AMZ2: variants seen among roughly 807,000 people sequenced by gnomAD.
AMZ2 encodes archaemetzincin-2.
In AMZ2, 26 loss-of-function variants were observed where a neutral mutation model predicts 36.7. That is an observed-to-expected ratio of 0.71 (90% CI 0.52 to 0.98). The LOEUF (loss-of-function observed/expected upper bound fraction) is 0.98, where lower values mean the gene tolerates loss of function less well. Among genes scored for constraint, AMZ2 ranks in the 50% least tolerant of loss-of-function variants. The pLI is 0.00. For missense variants in AMZ2, 394 were observed against 430.5 expected (o/e 0.92, Z 0.75); for synonymous variants, 144 against 149.1 (o/e 0.97, Z 0.25).
upstream of AMZ2, among the ~76,000 whole-genome samples, chr17:68,245,316 C>T (rs1406129548): frequency 6.6e-6 from 1 of 151,970 alleles, no homozygotes; most frequent in Non-Finnish European, 1.5e-5. Context: ...CAGCTGACTG[C>T]AGCCTCGATC....
chr17:68,232,059 A>G (rs1555731374), intron 1 of AMZ2, among the ~76,000 whole-genome samples: 2 of 149,962 alleles, frequency 1.3e-5, no homozygotes, highest in Admixed American at 1.4e-4. Flanking sequence ...AAAGAAATGT[A>G]AGGTTACCTT....
At chr17:68,227,105 A>G (rs1163496964) in intron 1 of AMZ2, among the ~76,000 whole-genome samples, 1 of 151,786 alleles carries the variant, frequency 6.6e-6, no homozygotes, top group Non-Finnish European at 1.5e-5. Context: ...TAACATTTTT[A>G]GGAATCTATG....
At chr17:68,208,909 C>T (rs1213877109) in intron 1 of AMZ2, among the ~76,000 whole-genome samples, 2 of 151,306 alleles carry the variant, frequency 1.3e-5, no homozygotes, top group South Asian at 2.1e-4. Context: ...CAAACACATC[C>T]GAGCACCAGA....
intron 4 of AMZ2, among the ~76,000 whole-genome samples, chr17:68,253,127 A>G (rs1395575911): frequency 1.3e-5 from 2 of 152,216 alleles, no homozygotes; most frequent in Non-Finnish European, 2.9e-5. Context: ...GGAAGAAGGA[A>G]ATGTCCTTGC....
intron 1 of AMZ2, among the ~76,000 whole-genome samples, chr17:68,217,032 CAAAAA>C (rs11284875): frequency 1.0e-5 from 1 of 95,636 alleles, no homozygotes; most frequent in Admixed American, 1.2e-4. Flanking sequence ...GACTCCGTCT[CAAAAA>C]AAAAAAAAAA....
chr17:68,210,365 A>G (rs545066821), intron 1 of AMZ2, among the ~76,000 whole-genome samples: 23 of 152,354 alleles, frequency 1.5e-4, no homozygotes, highest in Non-Finnish European at 2.9e-4. Flanking sequence ...CCTTGGAAGG[A>G]AATTCCGACA....
chr17:68,218,411 A>T (rs2073258870), intron 1 of AMZ2, among the ~76,000 whole-genome samples: 1 of 151,988 alleles, frequency 6.6e-6, no homozygotes, highest in Non-Finnish European at 1.5e-5. Context: ...CTGGTCTCGA[A>T]CTCCTGGGCT....
intron 1 of AMZ2, among the ~76,000 whole-genome samples, chr17:68,217,668 T>A (rs1344788418): frequency 2.6e-5 from 4 of 152,184 alleles, no homozygotes; most frequent in Non-Finnish European, 5.9e-5. Flanking sequence ...CATGTAAAAT[T>A]TTCACACAGT....
In AMZ2 at chr17:68,225,285, C is replaced by T. The variant is rs539489042; in HGVS notation, c.-67+19047C>T. Among the ~76,000 whole-genome samples the T allele has an allele frequency of 1.6e-4, 25 of 152,174 alleles. No individual in the cohort carries two copies. In the South Asian group the frequency reaches 5.0e-3, roughly 30 times the overall value. On this transcript the variant is annotated intron_variant, in intron 1 of 7. Coordinates refer to the AMZ2 transcript ENST00000674770. ...TGCAGTGATAGAGGAGCTAAAAGTC[C>T]CCTGAGAGAGCAGTCGTGTTGATGG...
chr17:68,221,595 C>T (rs181351651), intron 1 of AMZ2, among the ~76,000 whole-genome samples: 151 of 152,116 alleles, frequency 9.9e-4, no homozygotes, highest in Admixed American at 4.4e-3. Flanking sequence ...GGTGTGGTGG[C>T]GGGTGCCTGT....
intron 1 of AMZ2, among the ~76,000 whole-genome samples, chr17:68,226,149 G>C (rs2073510709): frequency 6.6e-6 from 1 of 152,054 alleles, no homozygotes; most frequent in South Asian, 2.1e-4. Context: ...TAGAGTGACA[G>C]GCAGCAAAAT....
chr17:68,209,632 A>ATATGTATATATATATAT, intron 1 of AMZ2, among the ~76,000 whole-genome samples: 1 of 90,700 alleles, frequency 1.1e-5, no homozygotes. Context: ...ATATATATAT[A>ATATGTATATATATATAT]TTTTTTTTTT....
At chr17:68,227,411 A>G (rs1398927208) in intron 1 of AMZ2, among the ~76,000 whole-genome samples, 1 of 152,230 alleles carries the variant, frequency 6.6e-6, no homozygotes, top group Admixed American at 6.5e-5. Flanking sequence ...ATGCACTTCC[A>G]GTGACTGCTG....
chr17:68,250,250 G>C lies in AMZ2; in HGVS notation c.63G>C (p.Val21=), dbSNP rs1555738468. 1.2e-6 allele frequency: 2 copies of C among 1,614,166 alleles called. No individual in the cohort carries two copies. The highest frequency in any genetic ancestry group is 3.3e-5 in the Admixed American group (2 of 60,020). ...LKTALISKNP[V]LVSQYEKLNA... is the part of the protein sequence containing the mutation. ...CAGCTCTCATCTCAAAGAACCCAGT[G>C]CTTGTATCACAGTATGAGAAATTAA... The change falls in exon 2 of 7, where the codon GTG becomes GTC. Residue 21 remains valine (V), a synonymous_variant. Transcript: ENST00000359904.
intron 1 of AMZ2, among the ~76,000 whole-genome samples, chr17:68,241,908 C>CT (rs781855396): frequency 0.094 from 10,917 of 116,150 alleles, 738 homozygotes; most frequent in African/African-American, 0.19. Context: ...TTTTCTTTTT[C>CT]TTTTTTTTTT....
At chr17:68,236,422 C>T (rs2073788572) in intron 1 of AMZ2, among the ~76,000 whole-genome samples, 1 of 151,506 alleles carries the variant, frequency 6.6e-6, no homozygotes, top group Non-Finnish European at 1.5e-5. Context: ...TATAGATTTA[C>T]ATAATTTTTT....
chr17:68,245,431 G>T (rs1243201394), upstream of AMZ2, among the ~76,000 whole-genome samples: 6 of 148,722 alleles, frequency 4.0e-5, no homozygotes, highest in African/African-American at 1.5e-4. Flanking sequence ...TTTTTTTTTA[G>T]AGATGGGGTC....
At chr17:68,247,609 CG>C, upstream of AMZ2, 1 of 984,264 alleles carries the variant, frequency 1.0e-6, no homozygotes, top group Non-Finnish European at 1.2e-6. Context: ...GTGACGGCCC[CG>C]GGGAGCGCTG....
At chr17:68,229,019 C>T (rs1281111708) in intron 1 of AMZ2, among the ~76,000 whole-genome samples, 1 of 152,222 alleles carries the variant, frequency 6.6e-6, no homozygotes, top group Non-Finnish European at 1.5e-5. Context: ...GGCCAGGTGG[C>T]GAGTCCTGTT....
Sources: allele counts gnomAD v4.1 joint callset (sites outside exome capture counted in the v4.1 genomes callset), GRCh38; gene constraint gnomAD v4.1.1; transcripts MANE v1.5; gene names NCBI Gene and HGNC (gene_info 2026-07-23, HGNC 2026-07-21).